CAPN13: variants seen among roughly 807,000 people sequenced by gnomAD.
CAPN13 encodes calpain 13, also known as calpain-13.
A neutral mutation model predicts 98.4 loss-of-function variants in CAPN13; 90 were observed. The ratio of observed to expected loss-of-function variants is 0.92; its 90% CI spans 0.77 to 1.09. CAPN13 has a LOEUF of 1.09. CAPN13 is among the 50% of genes least tolerant of loss of function. The pLI, the probability that CAPN13 is intolerant of heterozygous loss-of-function variation, is 0.00. For synonymous variants in CAPN13, 330 were observed against 305.5 expected (o/e 1.08, Z -0.84); for missense variants, 887 against 841.3 (o/e 1.05, Z -0.67).
intron 11 of CAPN13, chr2:30,746,761 T>C (rs1489434311): frequency 2.5e-5 from 4 of 157,868 alleles, no homozygotes; most frequent in African/African-American, 7.2e-5. Context: ...GGATGACTGG[T>C]CACTCATGCT....
chr2:30,733,287 G>A (rs558984736), intron 19 of CAPN13, among the ~76,000 whole-genome samples: 55 of 152,048 alleles, frequency 3.6e-4, no homozygotes, highest in African/African-American at 1.2e-3. Context: ...TTTCTCTAGC[G>A]GAGTTAATAA....
chr2:30,745,970 G>A lies in CAPN13; in HGVS notation c.1237-236C>T, dbSNP rs932411548. ...GGCTGGAGTGCAATGGTGCAATCTC[G>A]GCTTACTGCAACCTCCGCCTCCTGG... On this transcript the variant is annotated intron_variant, in intron 11 of 22. Coordinates refer to ENST00000295055, the MANE Select transcript of CAPN13 (RefSeq NM_144575.3). Among the ~76,000 whole-genome samples, 25 of 131,120 alleles carry A rather than the reference G, an allele frequency of 1.9e-4. No individual in the cohort carries two copies. The Admixed American group carries it at 2.4e-3, about 13-fold the overall frequency. The allele number at this position is 131,120 out of a possible 152,430, so 86.0% of individuals were successfully genotyped here.
At chr2:30,765,350 C>T (rs1673058509) in intron 5 of CAPN13, among the ~76,000 whole-genome samples, 1 of 152,230 alleles carries the variant, frequency 6.6e-6, no homozygotes, top group Admixed American at 6.5e-5. Flanking sequence ...AGGAGCCACA[C>T]TCACTGCTGC....
At chr2:30,784,653 T>A (rs1440699961) in intron 2 of CAPN13, among the ~76,000 whole-genome samples, 1 of 152,180 alleles carries the variant, frequency 6.6e-6, no homozygotes, top group Admixed American at 6.5e-5. Flanking sequence ...AAGCTTATGA[T>A]GAGGCCTTAC....
Position 30,799,852 on chromosome 2 carries a change from T to C in CAPN13, c.-33+7450A>G, listed in dbSNP as rs539773163. Among the ~76,000 whole-genome samples, 11 of 152,170 alleles carry C rather than the reference T, an allele frequency of 7.2e-5. No individual in the cohort carries two copies. In the South Asian group the frequency reaches 2.1e-3, roughly 29 times the overall value. ...ACTTTGGGAGGCCAAGGTGGGCGGA[T>C]CACGAGGTCAGGAGATCGAGACCAT... is the stretch of plus-strand genomic sequence containing the variant. On this transcript the variant is annotated intron_variant, in intron 1 of 22. Transcript: ENST00000295055.
chr2:30,759,570 TGAATA>T (rs1672721499), intron 7 of CAPN13, among the ~76,000 whole-genome samples: 1 of 152,210 alleles, frequency 6.6e-6, no homozygotes, highest in African/African-American at 2.4e-5. Flanking sequence ...AGGACAAGTC[TGAATA>T]GAATAGACTA....
At chr2:30,785,410 A>C (rs376530748) in intron 2 of CAPN13, among the ~76,000 whole-genome samples, 4 of 152,366 alleles carry the variant, frequency 2.6e-5, no homozygotes, top group East Asian at 1.9e-4. Flanking sequence ...TAAGAAAGAC[A>C]AAGAAATATG....
intron 1 of CAPN13, among the ~76,000 whole-genome samples, chr2:30,798,757 C>G (rs1284687528): frequency 6.6e-6 from 1 of 152,152 alleles, no homozygotes; most frequent in Admixed American, 6.5e-5. Context: ...AAATGGTGCC[C>G]AAACCCTGCA....
chr2:30,794,176 C>T (rs528760712), intron 1 of CAPN13, among the ~76,000 whole-genome samples: 1 of 151,174 alleles, frequency 6.6e-6, no homozygotes, highest in African/African-American at 2.4e-5. Context: ...CTTGAATCCA[C>T]AACATATAAA....
intron 8 of CAPN13, 129 bp from the exon 9 acceptor site, chr2:30,754,493 C>G: frequency 1.6e-6 from 1 of 627,772 alleles, no homozygotes. Flanking sequence ...GTCATCCTAC[C>G]TAGGACAGGA....
intron 7 of CAPN13, 112 bp from the exon 8 acceptor site, chr2:30,758,249 T>C (rs1204316295): frequency 4.1e-6 from 3 of 725,128 alleles, no homozygotes; most frequent in Non-Finnish European, 4.3e-6. Flanking sequence ...TCTGACCTCA[T>C]TTGGCTGCAG....
intron 1 of CAPN13, among the ~76,000 whole-genome samples, chr2:30,800,145 A>AAAGAAAGAAAGAAAGT (rs1675159409): frequency 4.0e-5 from 6 of 148,740 alleles, no homozygotes; most frequent in African/African-American, 1.5e-4. Context: ...AGAAAGAAAG[A>AAAGAAAGAAAGAAAGT]AAGAAAGAAA....
intron 1 of CAPN13, among the ~76,000 whole-genome samples, chr2:30,792,058 A>G (rs909742815): frequency 5.3e-5 from 8 of 152,212 alleles, no homozygotes; most frequent in African/African-American, 1.9e-4. Flanking sequence ...ACAATAGAAT[A>G]TTTAGGTAAA....
chr2:30,775,956 G>T lies in CAPN13; in HGVS notation c.361C>A (p.Gln121Lys). The T allele has an allele frequency of 6.2e-7, 1 of 1,611,438 alleles. No homozygotes were observed. The highest frequency in any genetic ancestry group is 8.5e-7 in the Non-Finnish European group (1 of 1,178,556). ...CGGAAACGGAAAATGCCAGCATACT[G>T]GTGTGAAAAGCTTTGGACCATCAGG... ...KILMVQSFSHQYAGIFRFRFW... is the reference protein window; with the variant it reads ...KILMVQSFSHKYAGIFRFRFW... Residue 121 changes from glutamine (Q) to lysine (K), a missense_variant, in exon 4 of 23, where the codon CAG (glutamine) becomes AAG (lysine). By Grantham distance (53) the Gln-to-Lys change is moderately conservative (BLOSUM62 1). Transcript: ENST00000295055.
chr2:30,756,942 C>T (rs559438864), intron 8 of CAPN13, among the ~76,000 whole-genome samples: 1 of 152,294 alleles, frequency 6.6e-6, no homozygotes, highest in South Asian at 2.1e-4. Context: ...GCTGAGTGCC[C>T]AGGGGTGCCA....
At chr2:30,797,249 G>T (rs1674933207) in intron 1 of CAPN13, among the ~76,000 whole-genome samples, 3 of 152,046 alleles carry the variant, frequency 2.0e-5, no homozygotes, top group African/African-American at 7.2e-5. Context: ...AACCACCTCT[G>T]GCCCCACAAC....
intron 1 of CAPN13, among the ~76,000 whole-genome samples, chr2:30,789,288 T>C (rs1674486977): frequency 6.6e-6 from 1 of 152,180 alleles, no homozygotes; most frequent in African/African-American, 2.4e-5. Context: ...CTGTGCATGC[T>C]CGGGGACAGT....
chr2:30,724,205 G>A lies in CAPN13; in HGVS notation c.*31-969C>T, dbSNP rs548335429. Among the ~76,000 whole-genome samples the A allele has an allele frequency of 4.6e-5, 7 of 152,100 alleles. No individual in the cohort carries two copies. In the South Asian group the frequency reaches 1.2e-3, roughly 27 times the overall value. ...TACAATTATATATGTACTGTTCACT[G>A]CTGAGTGAAAAAATACTCTAGGATC... On this transcript the variant is annotated intron_variant, in intron 22 of 22. Transcript: ENST00000295055.
In CAPN13 at chr2:30,732,502, G is replaced by A; in HGVS notation, c.1863C>T (p.Asp621=). ...LLHLVTLRYS[D]SVGRVSFPSL... is the part of the protein sequence containing the mutation. ...TGGGGAAGCTGACCCTGCCGACGCT[G>A]TCGCTGTACCTGAGGGTCACCAGAT... Residue 621 remains aspartate (D), a synonymous_variant, in exon 20 of 23, where the codon GAC becomes GAT. Transcript: ENST00000295055. 6.2e-7 allele frequency: 1 copy of A among 1,612,764 alleles called. No homozygotes were observed.
Sources: gnomAD v4.1 joint callset for allele counts (sites outside exome capture counted in the v4.1 genomes callset) on GRCh38, gnomAD v4.1.1 for gene constraint, MANE v1.5 for transcripts, NCBI Gene and HGNC (gene_info 2026-07-23, HGNC 2026-07-21) for gene names.